Variants in KIF3B observed in about 807,000 individuals in gnomAD.
KIF3B encodes the protein kinesin-like protein KIF3B.
In KIF3B, 38 loss-of-function variants were observed where a neutral mutation model predicts 74.3. The observed-to-expected ratio is 0.51, with a 90% CI of 0.39 to 0.67. The LOEUF is 0.67. Ranked by LOEUF, KIF3B falls within the 30% of genes least tolerant of loss-of-function variation. The pLI, the probability that KIF3B is intolerant of heterozygous loss-of-function variation, is 0.00. For synonymous variants in KIF3B, 326 were observed against 342.5 expected (o/e 0.95, Z 0.53); for missense variants, 649 against 932.0 (o/e 0.70, Z 3.95).
intron 1 of KIF3B, among the ~76,000 whole-genome samples, chr20:32,302,095 G>C (rs1396191882): frequency 6.6e-6 from 1 of 152,196 alleles, no homozygotes; most frequent in East Asian, 1.9e-4. Flanking sequence ...AATTCTGTGA[G>C]TTTCTTTAAA....
intron 1 of KIF3B, among the ~76,000 whole-genome samples, chr20:32,294,945 CAT>C (rs1173171948): frequency 6.6e-6 from 1 of 152,200 alleles, no homozygotes; most frequent in Non-Finnish European, 1.5e-5. Flanking sequence ...TTAATGACTT[CAT>C]AGTTTCCCAT....
chr20:32,290,604 C>T (rs530261422), intron 1 of KIF3B, among the ~76,000 whole-genome samples: 1 of 152,192 alleles, frequency 6.6e-6, no homozygotes, highest in South Asian at 2.1e-4. Flanking sequence ...GGCGCGATGG[C>T]TCACGCCTGT....
At chr20:32,319,602 T>G (rs2047848566) in intron 5 of KIF3B, among the ~76,000 whole-genome samples, 2 of 132,322 alleles carry the variant, frequency 1.5e-5, no homozygotes, top group Admixed American at 7.9e-5. Context: ...TTTTTTTTTT[T>G]GGAGTTGGAG....
intron 1 of KIF3B, among the ~76,000 whole-genome samples, chr20:32,295,849 ATTATCT>A (rs1232105458): frequency 8.1e-6 from 1 of 124,076 alleles, no homozygotes; most frequent in Non-Finnish European, 1.7e-5. Context: ...AAACATTTTT[ATTATCT>A]TTTTTTTTTT....
At chr20:32,290,946 G>C (rs990720314) in intron 1 of KIF3B, among the ~76,000 whole-genome samples, 4 of 151,908 alleles carry the variant, frequency 2.6e-5, no homozygotes, top group African/African-American at 9.7e-5. Context: ...TAAAAAAGAA[G>C]GAAGTTCTGA....
intron 5 of KIF3B, among the ~76,000 whole-genome samples, chr20:32,325,057 G>A (rs141083132): frequency 2.0e-4 from 31 of 152,254 alleles, no homozygotes; most frequent in African/African-American, 7.0e-4. Context: ...TTAATTAAAT[G>A]TGTGTGTCGG....
intron 5 of KIF3B, among the ~76,000 whole-genome samples, chr20:32,324,113 GA>G (rs35786299): frequency 1.2e-3 from 172 of 143,394 alleles, no homozygotes; most frequent in African/African-American, 1.5e-3. Flanking sequence ...CAACTCAAAA[GA>G]AAAAAAAAAA....
intron 1 of KIF3B, among the ~76,000 whole-genome samples, chr20:32,307,237 A>G (rs1043416445): frequency 2.6e-5 from 4 of 152,194 alleles, no homozygotes; most frequent in Admixed American, 2.0e-4. Flanking sequence ...CCCAAAGTGC[A>G]TAATTTACAT....
In KIF3B at chr20:32,331,264, C is replaced by T. The variant is rs773919908; in HGVS notation, c.2189C>T (p.Ser730Leu). 1 of 1,613,612 alleles carries T rather than the reference C, an allele frequency of 6.2e-7. No individual in the cohort carries two copies. Among genetic ancestry groups the T allele is most frequent in the Non-Finnish European group, 8.5e-7 (1 of 1,179,862 alleles). Reference protein sequence around the residue: ...GRKSGSSSSSSGTPASQLYPQ... With the variant: ...GRKSGSSSSSLGTPASQLYPQ... Reference sequence around the variant, plus strand: ...AAGTCGGGATCCTCCTCCTCTTCCTCAGGAACCCCTGCATCTCAGCTTTAT... The same window carrying T: ...AAGTCGGGATCCTCCTCCTCTTCCTTAGGAACCCCTGCATCTCAGCTTTAT... The change falls in exon 9 of 9, where the codon TCA becomes TTA. Residue 730 changes from serine to leucine, a missense_variant. By Grantham distance (145) the Ser-to-Leu change is moderately radical. Around this residue, in one of 4 missense-constraint regions of KIF3B, gnomAD observed 186 missense variants for 198.5 expected, o/e 0.94. Coordinates refer to ENST00000375712, the MANE Select transcript of KIF3B (RefSeq NM_004798.4).
intron 5 of KIF3B, among the ~76,000 whole-genome samples, chr20:32,319,486 TATGTATATATTTC>T (rs1366436131): frequency 6.7e-6 from 1 of 149,878 alleles, no homozygotes; most frequent in Non-Finnish European, 1.5e-5. Context: ...TATATATATA[TATGTATATATTTC>T]GTATATATAT....
chr20:32,323,440 G>T (rs956534560), intron 5 of KIF3B, among the ~76,000 whole-genome samples: 2 of 151,058 alleles, frequency 1.3e-5, no homozygotes, highest in Non-Finnish European at 2.9e-5. Flanking sequence ...TCACTTTGTC[G>T]CCAGACTGGA....
At chr20:32,281,324 A>C (rs1159197025) in intron 1 of KIF3B, among the ~76,000 whole-genome samples, 2 of 152,234 alleles carry the variant, frequency 1.3e-5, no homozygotes, top group Non-Finnish European at 2.9e-5. Flanking sequence ...TCTGTCTTCA[A>C]ATTCAGTGTA....
chr20:32,323,073 TATATTTA>T (rs1600437638), intron 5 of KIF3B, among the ~76,000 whole-genome samples: 3 of 78,880 alleles, frequency 3.8e-5, no homozygotes, highest in East Asian at 1.0e-3. Flanking sequence ...TATATATTTA[TATATTTA>T]TATATATTTA....
chr20:32,316,261 A>G lies in KIF3B; in HGVS notation c.1448A>G (p.Asp483Gly). 1 of 1,613,734 alleles carries G rather than the reference A, an allele frequency of 6.2e-7. No homozygotes were observed. Among genetic ancestry groups the G allele is most frequent in the Non-Finnish European group, 8.5e-7 (1 of 1,179,588 alleles). ...CTTGTTGGAGGAAAAAATATAGTAG[A>G]TCATACGAATGAACAGCAGAAAATC... ...KLLVGGKNIVDHTNEQQKILE... is the reference protein window; with the variant it reads ...KLLVGGKNIVGHTNEQQKILE... The change falls in exon 3 of 9, where the codon GAT becomes GGT. Residue 483 changes from aspartate (D) to glycine (G), a missense_variant. Physicochemically the swap from Asp to Gly is moderately conservative, Grantham distance 94 (BLOSUM62 -1). Transcript: ENST00000375712.
intron 5 of KIF3B, among the ~76,000 whole-genome samples, chr20:32,321,194 C>T (rs564011977): frequency 2.0e-5 from 3 of 151,888 alleles, no homozygotes; most frequent in South Asian, 2.1e-4. Flanking sequence ...TTTGGGAGGC[C>T]GAGGTGGGTG....
Position 32,317,492 on chromosome 20 carries a change from G to T in KIF3B, c.1748+618G>T, listed in dbSNP as rs191580614. Among the ~76,000 whole-genome samples, 120 of 152,134 alleles carry T rather than the reference G, an allele frequency of 7.9e-4. 1 individual carries two copies. The highest frequency in any genetic ancestry group is 2.7e-3 in the African/African-American group (114 of 41,496). ...TTTTATTGTGACAATTTTCTGAATGGTATAATAAATACCCAAGTACCCATC... is the reference window on the plus strand; with the variant it reads ...TTTTATTGTGACAATTTTCTGAATGTTATAATAAATACCCAAGTACCCATC... On this transcript the variant is annotated intron_variant, in intron 5 of 8. Transcript: ENST00000375712.
At position 32,316,182 on chromosome 20, in the gene KIF3B, G is replaced by A. The variant is rs17123168; in HGVS notation, c.1405-36G>A. 8,061 of 1,204,486 alleles carry A rather than the reference G, an allele frequency of 6.7e-3. 441 individuals are homozygous for A. The African/African-American group carries it at 0.11, about 16-fold the overall frequency. The allele number at this position is 1,204,486 out of a possible 1,614,324, so 74.6% of individuals were successfully genotyped here. A position where few individuals can be genotyped will look rare whatever the true frequency, so the allele number is the denominator to read the frequency against. The stretch of plus-strand genomic sequence containing the variant: ...GAGGAATTATGTTCTGAGAGAAACC[G>A]TTCATGAGATGGATTCTACTTTGTT... On this transcript the variant is annotated intron_variant, in intron 2 of 8. Transcript: ENST00000375712.
intron 2 of KIF3B, among the ~76,000 whole-genome samples, chr20:32,313,659 C>T (rs2047812765): frequency 6.6e-6 from 1 of 152,130 alleles, no homozygotes; most frequent in Non-Finnish European, 1.5e-5. Flanking sequence ...GCACTTCATG[C>T]CTTCTCACTG....
chr20:32,309,745 A>ACTTCTCAAGATTTGACTGGATCAGAGTTC lies in KIF3B; in HGVS notation c.-32_-4dup. 6.3e-7 allele frequency: 1 copy of ACTTCTCAAGATTTGACTGGATCAGAGTTC among 1,584,208 alleles called. No homozygotes were observed. Among genetic ancestry groups the ACTTCTCAAGATTTGACTGGATCAGAGTTC allele is most frequent in the Non-Finnish European group, 8.6e-7 (1 of 1,164,722 alleles). On this transcript the variant is annotated 5_prime_UTR_variant, in exon 2 of 9. Transcript: ENST00000375712. ...GCATCCTGAGACATTTTGAATTGAC[A>ACTTCTCAAGATTTGACTGGATCAGAGTTC]CTTCTCAAGATTTGACTGGATCAGA...
Sources: allele counts gnomAD v4.1 joint callset (sites outside exome capture counted in the v4.1 genomes callset), GRCh38; gene constraint gnomAD v4.1.1; regional missense constraint gnomAD v4.1.1; transcripts MANE v1.5; gene names NCBI Gene and HGNC (gene_info 2026-07-23, HGNC 2026-07-21).